The following EPB41L4A variants were observed in gnomAD, a reference collection of about 807,000 sequenced individuals.
EPB41L4A encodes band 4.1-like protein 4A.
In EPB41L4A, 100 loss-of-function variants were observed where a neutral mutation model predicts 108.6. The ratio of observed to expected loss-of-function variants is 0.92; its 90% CI spans 0.78 to 1.09. The LOEUF is 1.09. EPB41L4A is among the 50% of genes least tolerant of loss of function. The pLI, the probability that EPB41L4A is intolerant of heterozygous loss-of-function variation, is 0.00. For missense variants in EPB41L4A, 1,030 were observed against 842.7 expected, an observed-to-expected ratio of 1.22 and a Z score of -2.75; for synonymous variants, 319 against 289.0, an observed-to-expected ratio of 1.10 and a Z score of -1.05.
In EPB41L4A at chr5:112,280,617, C is replaced by T. The variant is rs117877488; in HGVS notation, c.205-294G>A. Among the ~76,000 whole-genome samples, 26 of 152,142 alleles carry T rather than the reference C, an allele frequency of 1.7e-4. No homozygotes were observed. In the East Asian group the frequency reaches 5.0e-3, roughly 29 times the overall value. On this transcript the variant is annotated intron_variant, in intron 2 of 22. Coordinates refer to ENST00000261486, the MANE Select transcript of EPB41L4A (RefSeq NM_022140.5). Reference sequence around the variant, plus strand: ...CCACCCTGGCCAATATGGCATGACCCCATCTTTTAAAAATAACATTAAATT... The same window carrying T: ...CCACCCTGGCCAATATGGCATGACCTCATCTTTTAAAAATAACATTAAATT...
At chr5:112,274,636 A>G in intron 4 of EPB41L4A, among the ~76,000 whole-genome samples, 1 of 152,208 alleles carries the variant, frequency 6.6e-6, no homozygotes, top group South Asian at 2.1e-4. Flanking sequence ...ACCTACGGTT[A>G]AGTTAGGGAA....
chr5:112,311,287 G>T (rs1411952978), intron 1 of EPB41L4A, among the ~76,000 whole-genome samples: 1 of 152,116 alleles, frequency 6.6e-6, no homozygotes, highest in Non-Finnish European at 1.5e-5. Context: ...TAACAGTATA[G>T]AAAATTGGAT....
chr5:112,298,597 T>A (rs1034592891), intron 2 of EPB41L4A, among the ~76,000 whole-genome samples: 1 of 152,226 alleles, frequency 6.6e-6, no homozygotes, highest in African/African-American at 2.4e-5. Context: ...GAGTATTTTG[T>A]TAAATATTTT....
At chr5:112,237,670 G>A (rs941932321) in intron 11 of EPB41L4A, among the ~76,000 whole-genome samples, 4 of 152,182 alleles carry the variant, frequency 2.6e-5, no homozygotes, top group Admixed American at 6.5e-5. Context: ...AATGTCTCAA[G>A]AAAGGGGCAG....
At position 112,365,049 on chromosome 5, in the gene EPB41L4A, G is replaced by A. The variant is rs764262684; in HGVS notation, c.99+53892C>T. On this transcript the variant is annotated intron_variant, in intron 1 of 22. Coordinates refer to ENST00000261486, the MANE Select transcript of EPB41L4A (RefSeq NM_022140.5). The stretch of plus-strand genomic sequence containing the variant: ...AGAACCTTGCCTGTCTTGTTTGACC[G>A]CTGTGTTTCCAAAGCTTAGTTCAGC... Among the ~76,000 whole-genome samples the A allele has an allele frequency of 4.6e-5, 7 of 152,222 alleles. No homozygotes were observed. In the South Asian group the frequency reaches 1.2e-3, roughly 27 times the overall value.
chr5:112,310,551 C>T (rs1213473540), intron 1 of EPB41L4A, among the ~76,000 whole-genome samples: 2 of 152,132 alleles, frequency 1.3e-5, no homozygotes, highest in Non-Finnish European at 2.9e-5. Context: ...TAGATGGTTC[C>T]TTCAATTCTG....
chr5:112,196,046 C>A (rs961894298), intron 15 of EPB41L4A, among the ~76,000 whole-genome samples: 1 of 152,268 alleles, frequency 6.6e-6, no homozygotes, highest in East Asian at 1.9e-4. Flanking sequence ...TGCCCTTTCC[C>A]ATACCCTGAG....
intron 18 of EPB41L4A, among the ~76,000 whole-genome samples, chr5:112,174,788 T>C (rs939102470): frequency 2.6e-5 from 4 of 152,240 alleles, no homozygotes; most frequent in African/African-American, 9.6e-5. Context: ...TCCATCTTTA[T>C]ACTGATCACT....
rs545228549 is a variant in EPB41L4A, at chr5:112,232,700, T to G, written c.1087+1934A>C. Among the ~76,000 whole-genome samples, 12 of 152,300 alleles carry G rather than the reference T, an allele frequency of 7.9e-5. No individual in the cohort carries two copies. In the East Asian group the frequency reaches 2.3e-3, roughly 29 times the overall value. On this transcript the variant is annotated intron_variant, in intron 12 of 22. Coordinates refer to ENST00000261486, the MANE Select transcript of EPB41L4A (RefSeq NM_022140.5). ...TCAATTTTCACACAATGTTCCAATG[T>G]TAATATTGTTACTAAAAATTTCATT...
chr5:112,351,333 T>C (rs986137522), intron 1 of EPB41L4A, among the ~76,000 whole-genome samples: 1 of 152,092 alleles, frequency 6.6e-6, no homozygotes, highest in Non-Finnish European at 1.5e-5. Context: ...GAGACTATTA[T>C]GAACAATAAT....
At chr5:112,188,431 AT>A (rs1761529471) in intron 17 of EPB41L4A, among the ~76,000 whole-genome samples, 1 of 152,058 alleles carries the variant, frequency 6.6e-6, no homozygotes. Flanking sequence ...CTCTGGCGCA[AT>A]TTCCCTTTCA....
intron 1 of EPB41L4A, among the ~76,000 whole-genome samples, chr5:112,407,074 G>A (rs976306484): frequency 2.6e-5 from 4 of 152,000 alleles, no homozygotes; most frequent in African/African-American, 7.2e-5. Flanking sequence ...AGAACTACTG[G>A]GCAAAAGCAT....
At chr5:112,394,457 G>C (rs1219129094) in intron 1 of EPB41L4A, among the ~76,000 whole-genome samples, 2 of 152,118 alleles carry the variant, frequency 1.3e-5, no homozygotes, top group Admixed American at 1.3e-4. Flanking sequence ...CAAACAAACA[G>C]AGAGCCAAAT....
At chr5:112,254,314 C>A (rs1273136095) in intron 9 of EPB41L4A, among the ~76,000 whole-genome samples, 2 of 152,100 alleles carry the variant, frequency 1.3e-5, no homozygotes, top group African/African-American at 4.8e-5. Context: ...ACAATTTAAC[C>A]TCCTAAATGC....
rs1561444673 is a variant in EPB41L4A at position 112,168,999 on chromosome 5, C to T, written c.1846G>A (p.Val616Met). Residue 616 changes from valine (V) to methionine (M), a missense_variant, in exon 21 of 23, where the codon GTG becomes ATG. Coordinates refer to ENST00000261486, the MANE Select transcript of EPB41L4A (RefSeq NM_022140.5). The part of the protein sequence containing the change: ...SDGERSVLSE[V>M]NSKTDLVPPL... ...TACTCTGGCCTGCCCACTTACTTCA[C>T]TTCCGAGAGAACTGATCGCTCCCCA... 1.9e-6 allele frequency: 3 copies of T among 1,611,890 alleles called. No homozygotes were observed.
chr5:112,375,190 C>A (rs1220381203), intron 1 of EPB41L4A, among the ~76,000 whole-genome samples: 1 of 152,004 alleles, frequency 6.6e-6, no homozygotes, highest in Non-Finnish European at 1.5e-5. Context: ...CACTACGGTC[C>A]CAGAGTGAGC....
chr5:112,182,876 T>C (rs753303345), intron 18 of EPB41L4A, among the ~76,000 whole-genome samples: 11 of 150,510 alleles, frequency 7.3e-5, no homozygotes, highest in Non-Finnish European at 1.5e-4. Context: ...ACTACCAGTT[T>C]AATTAGGTTG....
At chr5:112,235,254 C>T (rs1749248216) in intron 11 of EPB41L4A, among the ~76,000 whole-genome samples, 1 of 152,146 alleles carries the variant, frequency 6.6e-6, no homozygotes. Context: ...GATCAAGTGT[C>T]CAGGAAGACT....
At chr5:112,316,548 C>A (rs547479711) in intron 1 of EPB41L4A, among the ~76,000 whole-genome samples, 2 of 152,142 alleles carry the variant, frequency 1.3e-5, no homozygotes, top group South Asian at 4.2e-4. Context: ...AAGAGTTACC[C>A]TCACCCTCCA....
Sources: allele counts gnomAD v4.1 joint callset (sites outside exome capture counted in the v4.1 genomes callset), GRCh38; gene constraint gnomAD v4.1.1; transcripts MANE v1.5; gene names NCBI Gene and HGNC (gene_info 2026-07-23, HGNC 2026-07-21).